The following TMEM128 variants were observed in gnomAD, a reference collection of about 807,000 sequenced individuals.
TMEM128 encodes transmembrane protein 128.
A neutral mutation model predicts 19.7 loss-of-function variants in TMEM128; 16 were observed. The ratio of observed to expected loss-of-function variants is 0.81; its 90% CI spans 0.55 to 1.23. TMEM128 has a LOEUF of 1.23. TMEM128 is among the 50% of genes most tolerant of loss of function. TMEM128 has a pLI of 0.00. For missense variants in TMEM128, 237 were observed against 200.8 expected (o/e 1.18, Z -1.09); for synonymous variants, 98 against 75.8 (o/e 1.29, Z -1.52).
chr4:4,247,463 T>TA (rs1718230848), intron 1 of TMEM128: 3 of 1,197,346 alleles, frequency 2.5e-6, no homozygotes, highest in African/African-American at 1.6e-5. Flanking sequence ...ACATATGAGA[T>TA]AAAAAATATC....
chr4:4,236,677 G>A (rs565538990), intron 4 of TMEM128, among the ~76,000 whole-genome samples: 38 of 152,320 alleles, frequency 2.5e-4, no homozygotes, highest in African/African-American at 8.7e-4. Flanking sequence ...ACATTGGCGT[G>A]GGCATGGAGG....
Position 4,246,317 on chromosome 4 carries a change from C to T in TMEM128, c.124G>A (p.Glu42Lys), listed in dbSNP as rs777093898. 4 of 1,610,650 alleles carry T rather than the reference C, an allele frequency of 2.5e-6. No homozygotes were observed. The highest frequency in any genetic ancestry group is 4.5e-5 in the East Asian group (2 of 44,762). ...ATATTAAGTCTTGGAAGAGGTTTCT[C>T]CTTTTTCTCAACAGCTGTGGAGGTT... ...PETSTAVEKK[E>K]KPLPRLNIHS... Residue 42 changes from glutamate to lysine, a missense_variant, in exon 2 of 5, where the codon GAG becomes AAG. Coordinates refer to ENST00000382753, the MANE Select transcript of TMEM128 (RefSeq NM_001297551.2).
chr4:4,247,680 C>A (rs1718242930), intron 1 of TMEM128: 1 of 1,613,666 alleles, frequency 6.2e-7, no homozygotes, highest in Non-Finnish European at 8.5e-7. Context: ...ACATACGAGT[C>A]GACCTGATGT....
chr4:4,247,681 G>A, intron 1 of TMEM128: 1 of 1,613,562 alleles, frequency 6.2e-7, no homozygotes, highest in East Asian at 2.2e-5. Context: ...CATACGAGTC[G>A]ACCTGATGTG....
chr4:4,236,289 C>T (rs1717718021), intron 4 of TMEM128, 33 bp from the exon 5 acceptor site: 1 of 151,024 alleles, frequency 6.6e-6, no homozygotes, highest in Admixed American at 6.6e-5. Context: ...AGTGTATGTC[C>T]TTAAATCTGA....
In TMEM128 at chr4:4,241,749, C is replaced by T. The variant is rs368386648; in HGVS notation, c.240-1270G>A. The stretch of plus-strand genomic sequence containing the variant: ...AACTTGAGCAAGACTAGTTTTGTGA[C>T]TCTAGGCAAATTACCTAACCTCCGT... On this transcript the variant is annotated intron_variant, in intron 2 of 4. Transcript: ENST00000382753. 7.9e-4 allele frequency among the ~76,000 whole-genome samples: 121 copies of T among 152,310 alleles called. 2 individuals carry two copies. The South Asian group carries it at 0.024, about 31-fold the overall frequency.
chr4:4,247,642 C>A (rs776300270), intron 1 of TMEM128: 2 of 1,614,232 alleles, frequency 1.2e-6, no homozygotes, highest in South Asian at 2.2e-5. Context: ...GTGTTCCACA[C>A]TTCCCTTTGA....
At chr4:4,243,440 G>C (rs1458599422) in intron 2 of TMEM128, among the ~76,000 whole-genome samples, 1 of 152,082 alleles carries the variant, frequency 6.6e-6, no homozygotes, top group Non-Finnish European at 1.5e-5. Flanking sequence ...AGAACCTTAA[G>C]GCCTCAAGCT....
chr4:4,239,216 C>A (rs866753407), intron 3 of TMEM128, among the ~76,000 whole-genome samples: 1 of 152,044 alleles, frequency 6.6e-6, no homozygotes, highest in African/African-American at 2.4e-5. Flanking sequence ...ACCCAAAAAA[C>A]CCTGTATTTT....
Position 4,248,170 on chromosome 4 carries a change from C to A in TMEM128, c.33G>T (p.Arg11=). MDSSRARQQL[R]RRFLLLPDAE... ...CGTCCGGCAGGAGGAGGAATCGCCGCCGGAGCTGCTGCCGGGCCCGCGAGG... is the reference window on the plus strand; with the variant it reads ...CGTCCGGCAGGAGGAGGAATCGCCGACGGAGCTGCTGCCGGGCCCGCGAGG... The change falls in exon 1 of 5, where the codon CGG becomes CGT. Residue 11 remains arginine, a synonymous_variant. Transcript: ENST00000382753. 1 of 1,532,504 alleles carries A rather than the reference C, an allele frequency of 6.5e-7. No individual in the cohort carries two copies. Among genetic ancestry groups the A allele is most frequent in the South Asian group, 1.2e-5 (1 of 83,526 alleles). The allele number at this position is 1,532,504 out of a possible 1,614,324, so 94.9% of individuals were successfully genotyped here.
At position 4,247,566 on chromosome 4, in the gene TMEM128, T is replaced by C. The variant is rs2108824060; in HGVS notation, c.97+540A>G. 3 of 1,614,066 alleles carry C rather than the reference T, an allele frequency of 1.9e-6. No individual in the cohort carries two copies. In the South Asian group the frequency reaches 3.3e-5, roughly 18 times the overall value. On this transcript the variant is annotated intron_variant, in intron 1 of 4. Transcript: ENST00000382753. Reference sequence around the variant, plus strand: ...ATTTCTACTGAATTCTTCCATATTCTATGCATTCACAGGTGAACATACATC... The same window carrying C: ...ATTTCTACTGAATTCTTCCATATTCCATGCATTCACAGGTGAACATACATC...
chr4:4,248,223 C>T lies in TMEM128; in HGVS notation c.-21G>A. The T allele has an allele frequency of 3.4e-6, 5 of 1,484,012 alleles. No homozygotes were observed. Among genetic ancestry groups the T allele is most frequent in the African/African-American group, 1.4e-5 (1 of 69,624 alleles). The allele number at this position is 1,484,012 out of a possible 1,614,324, so 91.9% of individuals were successfully genotyped here. A position where few individuals can be genotyped will look rare whatever the true frequency, so the allele number is the denominator to read the frequency against. Reference sequence around the variant, plus strand: ...TCCATCTTGGTACCGCCCCGAAATGCGACGGAAGTGACGTCAGACACAGCG... The same window carrying T: ...TCCATCTTGGTACCGCCCCGAAATGTGACGGAAGTGACGTCAGACACAGCG... On this transcript the variant is annotated 5_prime_UTR_variant, in exon 1 of 5. Transcript: ENST00000382753.
intron 1 of TMEM128, 76 bp downstream of exon 1, chr4:4,248,030 C>T (rs975023469): frequency 3.3e-6 from 5 of 1,520,254 alleles, no homozygotes; most frequent in Non-Finnish European, 4.4e-6. Context: ...CCAGACTGGG[C>T]CAGGGCTGCC....
At chr4:4,247,623 C>G (rs866155768) in intron 1 of TMEM128, 5 of 1,614,208 alleles carry the variant, frequency 3.1e-6, no homozygotes, top group Non-Finnish European at 4.2e-6. Flanking sequence ...CAAATGGCGG[C>G]ATACCATAGT....
intron 1 of TMEM128, chr4:4,247,724 A>C: frequency 2.5e-6 from 4 of 1,591,040 alleles, no homozygotes. Flanking sequence ...TTACTTAAAC[A>C]GCTTTCTGCT....
chr4:4,246,931 A>G (rs974089219), intron 1 of TMEM128, among the ~76,000 whole-genome samples: 4 of 152,036 alleles, frequency 2.6e-5, no homozygotes, highest in African/African-American at 9.7e-5. Context: ...TATTTTTAGT[A>G]GAGACGGGGT....
rs962520831 is a variant in TMEM128 at position 4,248,172 on chromosome 4, G to T, written c.31C>A (p.Arg11=). Residue 11 remains arginine (R), a synonymous_variant, in exon 1 of 5, where the codon CGG becomes AGG. Coordinates refer to ENST00000382753, the MANE Select transcript of TMEM128 (RefSeq NM_001297551.2). The part of the protein sequence containing the change: MDSSRARQQL[R]RRFLLLPDAE... ...TCCGGCAGGAGGAGGAATCGCCGCC[G>T]GAGCTGCTGCCGGGCCCGCGAGGAG... 6.5e-7 allele frequency: 1 copy of T among 1,532,270 alleles called. No individual in the cohort carries two copies. Among genetic ancestry groups the T allele is most frequent in the South Asian group, 1.2e-5 (1 of 83,502 alleles). The allele number at this position is 1,532,270 out of a possible 1,614,324, so 94.9% of individuals were successfully genotyped here. A position where few individuals can be genotyped will look rare whatever the true frequency, so the allele number is the denominator to read the frequency against.
At chr4:4,242,600 C>A (rs1043133083) in intron 2 of TMEM128, among the ~76,000 whole-genome samples, 3 of 151,398 alleles carry the variant, frequency 2.0e-5, no homozygotes, top group Non-Finnish European at 2.9e-5. Flanking sequence ...CTCACTGCAA[C>A]CTCCACTTCC....
rs1718172490 is a variant in TMEM128 at position 4,246,361 on chromosome 4, T to A, written c.98-18A>T. On this transcript the variant is annotated intron_variant, in intron 1 of 4. Coordinates refer to ENST00000382753, the MANE Select transcript of TMEM128 (RefSeq NM_001297551.2). Reference sequence around the variant, plus strand: ...GGAGGTTTCTGCAAATAAGGGAGATTTCAACTTATTAAGTTACCACAATTT... The same window carrying A: ...GGAGGTTTCTGCAAATAAGGGAGATATCAACTTATTAAGTTACCACAATTT... 6 of 1,583,366 alleles carry A rather than the reference T, an allele frequency of 3.8e-6. No homozygotes were observed. Among genetic ancestry groups the A allele is most frequent in the Non-Finnish European group, 5.1e-6 (6 of 1,169,844 alleles).
Sources: gnomAD v4.1 joint callset for allele counts (sites outside exome capture counted in the v4.1 genomes callset) on GRCh38, gnomAD v4.1.1 for gene constraint, MANE v1.5 for transcripts, NCBI Gene and HGNC (gene_info 2026-07-23, HGNC 2026-07-21) for gene names.